Variants in KCNH1 observed in about 807,000 individuals in gnomAD.
KCNH1 encodes voltage-gated delayed rectifier potassium channel KCNH1.
A neutral mutation model predicts 69.2 loss-of-function variants in KCNH1; 27 were observed. That is an observed-to-expected ratio of 0.39 (90% CI 0.29 to 0.54). The LOEUF is 0.54. Ranked by LOEUF, KCNH1 falls within the 20% of genes least tolerant of loss-of-function variation. The pLI is 0.68. For missense variants in KCNH1, 798 were observed against 1,261.6 expected, an observed-to-expected ratio of 0.63 and a Z score of 5.57; for synonymous variants, 456 against 487.7, an observed-to-expected ratio of 0.93 and a Z score of 0.86.
intron 10 of KCNH1, among the ~76,000 whole-genome samples, chr1:210,761,249 CAAAAAAAAAAAA>C (rs58988658): frequency 1.1e-4 from 4 of 37,090 alleles, no homozygotes; most frequent in Admixed American, 5.1e-4. Context: ...GAGACTCCGT[CAAAAAAAAAAAA>C]AAAAAAAAAA....
chr1:210,997,980 C>T (rs547141999), intron 6 of KCNH1, among the ~76,000 whole-genome samples: 1 of 152,122 alleles, frequency 6.6e-6, no homozygotes, highest in Non-Finnish European at 1.5e-5. Flanking sequence ...TTTGTCACCA[C>T]CAGGCCTGCC....
intron 6 of KCNH1, among the ~76,000 whole-genome samples, chr1:210,924,597 C>T (rs1260804949): frequency 6.6e-6 from 1 of 152,152 alleles, no homozygotes; most frequent in East Asian, 1.9e-4. Flanking sequence ...ATACTCCAAA[C>T]ATTTTTATTT....
intron 6 of KCNH1, among the ~76,000 whole-genome samples, chr1:211,008,780 T>C (rs566259964): frequency 1.3e-5 from 2 of 152,372 alleles, no homozygotes; most frequent in African/African-American, 4.8e-5. Context: ...AGCTGTATAC[T>C]TTAATGTATT....
intron 6 of KCNH1, among the ~76,000 whole-genome samples, chr1:210,924,386 T>G (rs1687524692): frequency 6.6e-6 from 1 of 152,238 alleles, no homozygotes; most frequent in Non-Finnish European, 1.5e-5. Flanking sequence ...AAAGAGCCTC[T>G]GAAACAATAA....
chr1:210,863,890 T>C (rs1686039278), intron 7 of KCNH1, among the ~76,000 whole-genome samples: 1 of 152,164 alleles, frequency 6.6e-6, no homozygotes, highest in African/African-American at 2.4e-5. Context: ...TCCCCTGTCA[T>C]GTAGAAAGGC....
At chr1:210,974,196 C>T (rs1456906016) in intron 6 of KCNH1, among the ~76,000 whole-genome samples, 1 of 152,004 alleles carries the variant, frequency 6.6e-6, no homozygotes, top group Non-Finnish European at 1.5e-5. Context: ...GAGGAAGTTC[C>T]TTTCTATTTC....
intron 1 of KCNH1, among the ~76,000 whole-genome samples, chr1:211,108,914 G>T (rs562948821): frequency 6.6e-6 from 1 of 152,272 alleles, no homozygotes; most frequent in Admixed American, 6.5e-5. Context: ...TCTCCAGATT[G>T]ATAAGAAATG....
Position 210,836,053 on chromosome 1 carries a change from A to G in KCNH1, c.1463-31887T>C, listed in dbSNP as rs540018434. Among the ~76,000 whole-genome samples the G allele has an allele frequency of 2.1e-5, 3 of 145,078 alleles. No individual in the cohort carries two copies. The South Asian group carries it at 6.6e-4, about 32-fold the overall frequency. On this transcript the variant is annotated intron_variant, in intron 7 of 10. Coordinates refer to ENST00000271751, the MANE Select transcript of KCNH1 (RefSeq NM_172362.3). ...GCTGAACCTGGGAGGCGGAGGTTGCAGTGAGCCAAGATTGCACCACTGCAC... is the reference window on the plus strand; with the variant it reads ...GCTGAACCTGGGAGGCGGAGGTTGCGGTGAGCCAAGATTGCACCACTGCAC...
At chr1:210,858,996 C>A in intron 7 of KCNH1, 34 of 340,760 alleles carry the variant, frequency 1.0e-4, no homozygotes, top group Middle Eastern at 9.5e-4. Context: ...GGTTTCTTTT[C>A]CAGTGCCAGG....
At chr1:210,695,139 T>C (rs570176986) in intron 10 of KCNH1, among the ~76,000 whole-genome samples, 2 of 152,216 alleles carry the variant, frequency 1.3e-5, no homozygotes, top group Non-Finnish European at 2.9e-5. Flanking sequence ...TTCTTAGCCA[T>C]GGATGGGGCC....
intron 5 of KCNH1, among the ~76,000 whole-genome samples, chr1:211,025,297 CCT>C (rs545659053): frequency 1.1e-4 from 17 of 152,146 alleles, no homozygotes; most frequent in Non-Finnish European, 1.8e-4. Context: ...GCTGAATACC[CCT>C]GTTTCCCCTA....
At chr1:210,701,454 C>T (rs542493507) in intron 10 of KCNH1, among the ~76,000 whole-genome samples, 13 of 152,272 alleles carry the variant, frequency 8.5e-5, no homozygotes, top group African/African-American at 2.4e-4. Flanking sequence ...TTACTAAGGT[C>T]GCAAAGAAGT....
intron 5 of KCNH1, among the ~76,000 whole-genome samples, chr1:211,067,493 T>A (rs1475158120): frequency 6.6e-6 from 1 of 152,212 alleles, no homozygotes; most frequent in East Asian, 1.9e-4. Context: ...CCTCTGTGGA[T>A]CTGCCCTGTG....
intron 6 of KCNH1, among the ~76,000 whole-genome samples, chr1:210,972,281 C>T (rs1268526025): frequency 6.6e-6 from 1 of 152,100 alleles, no homozygotes; most frequent in Non-Finnish European, 1.5e-5. Flanking sequence ...ACCTAAAAGG[C>T]TGCCTCCCAT....
chr1:210,742,521 G>A (rs1370352778), intron 10 of KCNH1, among the ~76,000 whole-genome samples: 1 of 152,196 alleles, frequency 6.6e-6, no homozygotes. Flanking sequence ...ATTTCTCCTG[G>A]TACAATGCTG....
intron 10 of KCNH1, among the ~76,000 whole-genome samples, chr1:210,688,192 A>G (rs1354860789): frequency 1.3e-5 from 2 of 152,224 alleles, no homozygotes; most frequent in Non-Finnish European, 2.9e-5. Flanking sequence ...ACTCTTTTGA[A>G]TGAAAGAACC....
rs1053375281 is a variant in KCNH1, at chr1:211,118,163, A to G, written c.80-10786T>C. 1.4e-4 allele frequency among the ~76,000 whole-genome samples: 22 copies of G among 152,226 alleles called. 1 individual carries two copies. The highest frequency in any genetic ancestry group is 6.5e-4 in the Admixed American group (10 of 15,276). ...AAATCACATATTGGTGGGTCCATTTATATATGGGGAAAATGCCTAAATGTG... is the reference window on the plus strand; with the variant it reads ...AAATCACATATTGGTGGGTCCATTTGTATATGGGGAAAATGCCTAAATGTG... On this transcript the variant is annotated intron_variant, in intron 1 of 10. Transcript: ENST00000271751.
chr1:210,703,135 T>A (rs537285588), intron 10 of KCNH1, among the ~76,000 whole-genome samples: 10 of 152,114 alleles, frequency 6.6e-5, no homozygotes, highest in Non-Finnish European at 1.2e-4. Context: ...AAAAATAAAT[T>A]TGGGTCCATA....
intron 7 of KCNH1, among the ~76,000 whole-genome samples, chr1:210,848,206 T>C (rs1685603531): frequency 6.6e-6 from 1 of 152,230 alleles, no homozygotes; most frequent in South Asian, 2.1e-4. Context: ...TCAATAAATG[T>C]TGTCTGAATT....
Sources: allele counts gnomAD v4.1 joint callset (sites outside exome capture counted in the v4.1 genomes callset), GRCh38; gene constraint gnomAD v4.1.1; transcripts MANE v1.5; gene names NCBI Gene and HGNC (gene_info 2026-07-23, HGNC 2026-07-21).